Variants in SLX4 observed in about 807,000 individuals in gnomAD.
SLX4 encodes the protein structure-specific endonuclease subunit SLX4.
In SLX4, 112 loss-of-function variants were observed where a neutral mutation model predicts 146.2. That is an observed-to-expected ratio of 0.77 (90% CI 0.66 to 0.90). SLX4 has a LOEUF of 0.90. SLX4 is among the 40% of genes least tolerant of loss of function. The pLI, the probability that SLX4 is intolerant of heterozygous loss-of-function variation, is 0.00. For missense variants in SLX4, 2,563 were observed against 2,392.7 expected (o/e 1.07, Z -1.49); for synonymous variants, 1,061 against 997.7 (o/e 1.06, Z -1.20).
At chr16:3,587,086 A>G (rs1339580075) in intron 12 of SLX4, among the ~76,000 whole-genome samples, 1 of 152,216 alleles carries the variant, frequency 6.6e-6, no homozygotes, top group Non-Finnish European at 1.5e-5. Context: ...ATGTTCTAGA[A>G]TTAGAGAGTG....
chr16:3,611,280 G>A (rs922645353), intron 1 of SLX4, among the ~76,000 whole-genome samples: 13 of 152,240 alleles, frequency 8.5e-5, no homozygotes, highest in African/African-American at 2.7e-4. Flanking sequence ...CGGCTCTAAA[G>A]TCAGACGGAG....
At chr16:3,583,007 T>C (rs1464633835) in intron 14 of SLX4, 90 bp downstream of exon 14, 2 of 1,503,592 alleles carry the variant, frequency 1.3e-6, no homozygotes, top group African/African-American at 1.4e-5. Flanking sequence ...TTTTTGAAGA[T>C]TGGCCATTAG....
chr16:3,603,108 C>T (rs113033774), intron 3 of SLX4, among the ~76,000 whole-genome samples: 9,623 of 152,266 alleles, frequency 0.063, 321 homozygotes, highest in Admixed American at 0.074. Context: ...GGCTGGAGTG[C>T]AACGACGCGA....
In SLX4 at chr16:3,602,230, C is replaced by A; in HGVS notation, c.838G>T (p.Gly280Ter). ...LTLQQEFARV[G>*]ASAHDDSLEE... ...AGGCTATCATCATGTGCCGATGCTC[C>A]TACCCGTGCAAACTCCTGCTGCAGG... The change falls in exon 4 of 15, where the codon GGA becomes TGA. Residue 280 changes from glycine to a stop codon, truncating the protein, a stop_gained. Transcript: ENST00000294008. LOFTEE classifies it high-confidence loss of function. The A allele has an allele frequency of 6.2e-7, 1 of 1,614,190 alleles. No individual in the cohort carries two copies. Among genetic ancestry groups the A allele is most frequent in the Admixed American group, 1.7e-5 (1 of 60,034 alleles).
chr16:3,600,261 T>C (rs1230427564), intron 5 of SLX4, among the ~76,000 whole-genome samples: 1 of 152,154 alleles, frequency 6.6e-6, no homozygotes, highest in East Asian at 1.9e-4. Flanking sequence ...GCTCAGGCAG[T>C]AAAGCTTGCC....
At chr16:3,609,687 A>G (rs1348992781) in intron 1 of SLX4, 121 bp from the exon 2 acceptor site, 1 of 152,428 alleles carries the variant, frequency 6.6e-6, no homozygotes, top group East Asian at 1.9e-4. Flanking sequence ...ATACTGTCAA[A>G]TACTCAGTCC....
chr16:3,609,723 C>G (rs1359009344), intron 1 of SLX4, among the ~76,000 whole-genome samples, 157 bp from the exon 2 acceptor site: 1 of 152,234 alleles, frequency 6.6e-6, no homozygotes, highest in African/African-American at 2.4e-5. Context: ...GTCTAACCGT[C>G]CTATCAGACA....
At chr16:3,592,338 G>A (rs551897826) in intron 11 of SLX4, among the ~76,000 whole-genome samples, 1 of 152,344 alleles carries the variant, frequency 6.6e-6, no homozygotes, top group South Asian at 2.1e-4. Flanking sequence ...ATGGGACTCT[G>A]GAAAGGACTG....
At position 3,608,539 on chromosome 16, in the gene SLX4, AC is replaced by A. The variant is rs757662453; in HGVS notation, c.425del (p.Gly142ValfsTer52). The A allele has an allele frequency of 2.5e-6, 4 of 1,613,476 alleles. No individual in the cohort carries two copies. Among genetic ancestry groups the A allele is most frequent in the African/African-American group, 1.3e-5 (1 of 74,732 alleles). The stretch of plus-strand genomic sequence containing the variant: ...GTGGATCTGGAGCAGAGGCAAGCAC[AC>A]CCCCCTCCCCATTCACAGAGTGGGC... The part of the protein sequence containing the change: ...EPAHSVNGEG[G>X]VLASAPDPPV... On this transcript the variant is annotated frameshift_variant, in exon 2 of 15. Coordinates refer to ENST00000294008, the MANE Select transcript of SLX4 (RefSeq NM_032444.4). LOFTEE classifies it high-confidence loss of function.
chr16:3,587,459 G>GCACTC (rs1391855471), intron 12 of SLX4, among the ~76,000 whole-genome samples: 6 of 152,194 alleles, frequency 3.9e-5, no homozygotes, highest in Non-Finnish European at 8.8e-5. Context: ...TAGCCCCACT[G>GCACTC]CACTCCAGCC....
chr16:3,591,461 C>A (rs2040595588), intron 11 of SLX4, 151 bp from the exon 12 acceptor site: 1 of 1,195,258 alleles, frequency 8.4e-7, no homozygotes, highest in Non-Finnish European at 1.2e-6. Context: ...GTCCACACTC[C>A]TTGCCAGAAA....
rs1389900859 is a variant in SLX4 at position 3,608,417 on chromosome 16, G to A, written c.535+13C>T. ...AAGTTTTCCAGCCCCTGGTTTAAAAGAGTACAAATTACCTCTGGTTTTCTC... is the reference window on the plus strand; with the variant it reads ...AAGTTTTCCAGCCCCTGGTTTAAAAAAGTACAAATTACCTCTGGTTTTCTC... On this transcript the variant is annotated intron_variant, in intron 2 of 14. Transcript: ENST00000294008. 9 of 1,614,020 alleles carry A rather than the reference G, an allele frequency of 5.6e-6. No homozygotes were observed. The highest frequency in any genetic ancestry group is 7.6e-6 in the Non-Finnish European group (9 of 1,180,016).
At position 3,590,414 on chromosome 16, in the gene SLX4, G is replaced by C. The variant is rs147558074; in HGVS notation, c.3224C>G (p.Ser1075Cys). ...TTTCTGCTTTGATGGCACAGCTGGA[G>C]ACAGCAAGGTTGGGGAGCCCACCTG... is the stretch of plus-strand genomic sequence containing the variant. ...TSQVGSPTLL[S>C]PAVPSKQKRD... The change falls in exon 12 of 15, where the codon TCT becomes TGT. Residue 1075 changes from serine (S) to cysteine (C), a missense_variant. By Grantham distance (112) the Ser-to-Cys change is moderately radical (BLOSUM62 -1). Coordinates refer to ENST00000294008, the MANE Select transcript of SLX4 (RefSeq NM_032444.4). This position sits in a 1 kb window ranked among gnomAD's most constrained non-coding sequence, Gnocchi z 4.8. The C allele has an allele frequency of 6.8e-6, 11 of 1,614,222 alleles. No homozygotes were observed. The highest frequency in any genetic ancestry group is 9.3e-6 in the Non-Finnish European group (11 of 1,180,038).
chr16:3,591,418 A>G (rs921964739), intron 11 of SLX4, 108 bp from the exon 12 acceptor site: 22 of 1,496,534 alleles, frequency 1.5e-5, no homozygotes, highest in Non-Finnish European at 2.0e-5. Flanking sequence ...AGGAATGACC[A>G]TGACCCAGGC....
chr16:3,582,011 C>G lies in SLX4; in HGVS notation c.*331G>C, dbSNP rs1292334551. The G allele has an allele frequency of 5.4e-6, 2 of 372,976 alleles. No individual in the cohort carries two copies. Among genetic ancestry groups the G allele is most frequent in the Non-Finnish European group, 9.9e-6 (2 of 202,558 alleles). 23.1% of individuals were successfully genotyped at this position (372,976 alleles called of 1,614,324 possible). ...TGAGCCGAGATTGTGCCACTGCACT[C>G]CAGCCTAGGTGACACAGCACGACTG... On this transcript the variant is annotated 3_prime_UTR_variant, in exon 15 of 15. Coordinates refer to ENST00000294008, the MANE Select transcript of SLX4 (RefSeq NM_032444.4).
chr16:3,609,318 G>T lies in SLX4; in HGVS notation c.-354C>A, dbSNP rs1296901765. Reference sequence around the variant, plus strand: ...AGCTACTCGGGAGGCAGAGGCAAGAGAATCGCTTGAACCTGGGAGGCGGAG... The same window carrying T: ...AGCTACTCGGGAGGCAGAGGCAAGATAATCGCTTGAACCTGGGAGGCGGAG... On this transcript the variant is annotated 5_prime_UTR_variant, in exon 2 of 15. Coordinates refer to ENST00000294008, the MANE Select transcript of SLX4 (RefSeq NM_032444.4). The T allele has an allele frequency of 1.5e-5, 4 of 262,412 alleles. No homozygotes were observed. The highest frequency in any genetic ancestry group is 2.3e-5 in the Non-Finnish European group (3 of 131,452). 16.3% of individuals were successfully genotyped at this position (262,412 alleles called of 1,614,324 possible).
At chr16:3,591,848 A>T (rs569026991) in intron 11 of SLX4, among the ~76,000 whole-genome samples, 2 of 152,140 alleles carry the variant, frequency 1.3e-5, no homozygotes, top group South Asian at 4.2e-4. Context: ...ACAGCAAGAG[A>T]CTCTGTCTCT....
chr16:3,586,350 A>T (rs75798057), intron 12 of SLX4, among the ~76,000 whole-genome samples: 12,834 of 150,756 alleles, frequency 0.085, 606 homozygotes, highest in African/African-American at 0.13. Flanking sequence ...AGCAAGACCC[A>T]GTCTCTACTA....
rs758419931 is a variant in SLX4, at chr16:3,597,413, A to G, written c.1649T>C (p.Leu550Pro). 3 of 1,600,244 alleles carry G rather than the reference A, an allele frequency of 1.9e-6. No individual in the cohort carries two copies. The highest frequency in any genetic ancestry group is 2.6e-6 in the Non-Finnish European group (3 of 1,173,032). Residue 550 changes from leucine (L) to proline (P), a missense_variant, in exon 7 of 15, where the codon CTG becomes CCG. Coordinates refer to ENST00000294008, the MANE Select transcript of SLX4 (RefSeq NM_032444.4). This position sits in a 1 kb window ranked among gnomAD's most constrained non-coding sequence, Gnocchi z 4.4. ...CCGCTGGGGCACGAGAGGAGGGACC[A>G]GCCTGGCCGTGTAGAAGTCCTCCAT... ...WAMEDFYTAR[L>P]VPPLVPQRPA... is the part of the protein sequence containing the mutation.
Sources: allele counts gnomAD v4.1 joint callset (sites outside exome capture counted in the v4.1 genomes callset), GRCh38; gene constraint gnomAD v4.1.1; non-coding constraint Gnocchi (gnomAD v3.1); transcripts MANE v1.5; gene names NCBI Gene and HGNC (gene_info 2026-07-23, HGNC 2026-07-21).